The following PTPRD variants were observed in gnomAD, a reference collection of about 807,000 sequenced individuals.
PTPRD encodes protein tyrosine phosphatase receptor type D.
A neutral mutation model predicts 214.5 loss-of-function variants in PTPRD; 34 were observed. That is an observed-to-expected ratio of 0.16 (90% CI 0.12 to 0.21). The LOEUF (loss-of-function observed/expected upper bound fraction) is 0.21, where lower values mean the gene tolerates loss of function less well. Ranked by LOEUF, PTPRD falls within the 10% of genes least tolerant of loss-of-function variation. The pLI is 1.00. For missense variants in PTPRD, 2,545 were observed against 2,398.7 expected (o/e 1.06, Z -1.27); for synonymous variants, 1,128 against 845.7 (o/e 1.33, Z -5.79).
intron 9 of PTPRD, among the ~76,000 whole-genome samples, chr9:9,220,918 T>C (rs2099955569): frequency 6.6e-6 from 1 of 152,026 alleles, no homozygotes; most frequent in African/African-American, 2.4e-5. Context: ...GATAACCTGG[T>C]GTATGAGTAG....
At chr9:10,206,220 G>A (rs1442064122) in intron 3 of PTPRD, among the ~76,000 whole-genome samples, 1 of 152,100 alleles carries the variant, frequency 6.6e-6, no homozygotes, top group Non-Finnish European at 1.5e-5. Flanking sequence ...CAGCATGTCT[G>A]GGAAACTCAA....
chr9:8,690,508 G>A (rs2097780996), intron 12 of PTPRD, among the ~76,000 whole-genome samples: 1 of 141,372 alleles, frequency 7.1e-6, no homozygotes, highest in Admixed American at 7.1e-5. Flanking sequence ...CAGTCTGGGC[G>A]ACAGAGCAAG....
chr9:10,487,328 C>G (rs2099139161), intron 2 of PTPRD, among the ~76,000 whole-genome samples: 1 of 152,094 alleles, frequency 6.6e-6, no homozygotes, highest in South Asian at 2.1e-4. Flanking sequence ...TTACTCCTGC[C>G]ATTTTGTTTG....
In PTPRD at chr9:9,626,908, G is replaced by C. The variant is rs529617792; in HGVS notation, c.-286-52127C>G. ...GATGAAGGAAAAATGGGAGAAGCAA[G>C]TTGAAGGATACAAACTGTCAACATG... On this transcript the variant is annotated intron_variant, in intron 7 of 45. Transcript: ENST00000381196. 4.6e-5 allele frequency among the ~76,000 whole-genome samples: 7 copies of C among 152,318 alleles called. No individual in the cohort carries two copies. In the East Asian group the frequency reaches 1.4e-3, roughly 29 times the overall value.
At chr9:8,612,301 T>C (rs1452120066) in intron 14 of PTPRD, among the ~76,000 whole-genome samples, 1 of 152,212 alleles carries the variant, frequency 6.6e-6, no homozygotes, top group Non-Finnish European at 1.5e-5. Context: ...TTTGCTTTTG[T>C]ATGTTTGGCC....
intron 44 of PTPRD, among the ~76,000 whole-genome samples, chr9:8,331,171 A>ATTGTCATTAGGAT (rs1295321911): frequency 6.7e-6 from 1 of 148,684 alleles, no homozygotes. Flanking sequence ...AGAACTTAAT[A>ATTGTCATTAGGAT]TTGTCATTAG....
chr9:10,493,916 G>T (rs1169930892), intron 2 of PTPRD, among the ~76,000 whole-genome samples: 2 of 151,776 alleles, frequency 1.3e-5, no homozygotes, highest in African/African-American at 2.4e-5. Context: ...CAGCAATTAT[G>T]GCTAAATACA....
At chr9:9,448,109 A>G (rs1234848173) in intron 8 of PTPRD, among the ~76,000 whole-genome samples, 3 of 152,088 alleles carry the variant, frequency 2.0e-5, no homozygotes, top group Non-Finnish European at 4.4e-5. Context: ...GGGTATGAAG[A>G]CCAGGTAGGA....
Position 8,485,296 on chromosome 9 carries a change from T to C in PTPRD, c.3084A>G (p.Ala1028=), listed in dbSNP as rs2096975413. 2 of 1,614,004 alleles carry C rather than the reference T, an allele frequency of 1.2e-6. No individual in the cohort carries two copies. The highest frequency in any genetic ancestry group is 1.7e-6 in the Non-Finnish European group (2 of 1,179,992). ...ACAGCAACACGGAAGTCTTCATTAC[T>C]GCTTTGACATGAAAATTTTTTGCAA... ...QVFAKNFHVK[A]VMKTSVLLSW... is the part of the protein sequence containing the mutation. Residue 1028 remains alanine, a synonymous_variant, in exon 29 of 46, where the codon GCA becomes GCG. Transcript: ENST00000381196.
chr9:9,686,878 T>C lies in PTPRD; in HGVS notation c.-287+47655A>G, dbSNP rs191937982. 1.5e-4 allele frequency among the ~76,000 whole-genome samples: 23 copies of C among 151,838 alleles called. 1 individual carries two copies. The highest frequency in any genetic ancestry group is 5.3e-4 in the African/African-American group (22 of 41,514). ...GAACTTTGAGAGCAATGATTCTTAG[T>C]CAACAGACATATGCTAACTTCTTCC... On this transcript the variant is annotated intron_variant, in intron 7 of 45. Transcript: ENST00000381196.
chr9:8,530,409 C>T lies in PTPRD; in HGVS notation c.353-1630G>A, dbSNP rs893659405. On this transcript the variant is annotated intron_variant, in intron 14 of 45. Coordinates refer to ENST00000381196, the MANE Select transcript of PTPRD (RefSeq NM_002839.4). The stretch of plus-strand genomic sequence containing the variant: ...GGTACTCCGTGCTTCTAGGAAGCCA[C>T]GCAGCCAAAGTCACCTTCTTTGTAA... Among the ~76,000 whole-genome samples the T allele has an allele frequency of 2.6e-5, 4 of 152,166 alleles. No individual in the cohort carries two copies. The South Asian group carries it at 6.2e-4, about 24-fold the overall frequency.
chr9:9,686,127 T>A (rs1316915521), intron 7 of PTPRD, among the ~76,000 whole-genome samples: 1 of 151,336 alleles, frequency 6.6e-6, no homozygotes, highest in Non-Finnish European at 1.5e-5. Flanking sequence ...TCTGTTGGAT[T>A]TTTGTTGTTG....
chr9:8,592,541 G>A (rs549681716), intron 14 of PTPRD, among the ~76,000 whole-genome samples: 1 of 152,150 alleles, frequency 6.6e-6, no homozygotes, highest in East Asian at 1.9e-4. Context: ...GATTACAGTC[G>A]ACACCAAAGG....
chr9:10,246,493 C>T (rs2092126795), intron 3 of PTPRD, among the ~76,000 whole-genome samples: 1 of 152,156 alleles, frequency 6.6e-6, no homozygotes, highest in African/African-American at 2.4e-5. Flanking sequence ...ATCCATCCCC[C>T]TTGGGGTACC....
intron 9 of PTPRD, among the ~76,000 whole-genome samples, chr9:9,261,018 CTT>C (rs2099979890): frequency 6.6e-6 from 1 of 151,784 alleles, no homozygotes; most frequent in South Asian, 2.1e-4. Context: ...GGTACTGAAA[CTT>C]ATGTTTGCAA....
intron 33 of PTPRD, among the ~76,000 whole-genome samples, chr9:8,456,344 G>A (rs1253911578): frequency 2.0e-5 from 3 of 152,112 alleles, no homozygotes; most frequent in African/African-American, 4.8e-5. Context: ...GAGGAGAAGA[G>A]AGGACAGAAA....
At chr9:8,580,023 C>A (rs1051326894) in intron 14 of PTPRD, among the ~76,000 whole-genome samples, 4 of 152,064 alleles carry the variant, frequency 2.6e-5, no homozygotes, top group Non-Finnish European at 5.9e-5. Context: ...GCAGGGATTA[C>A]AAGTTTCCAG....
At chr9:8,542,667 C>T (rs2078778515) in intron 14 of PTPRD, among the ~76,000 whole-genome samples, 1 of 152,250 alleles carries the variant, frequency 6.6e-6, no homozygotes, top group African/African-American at 2.4e-5. Flanking sequence ...AAGTACAAAG[C>T]AAGTGTCTGT....
intron 9 of PTPRD, among the ~76,000 whole-genome samples, chr9:9,310,118 C>T (rs1458207331): frequency 6.6e-6 from 1 of 152,006 alleles, no homozygotes; most frequent in Non-Finnish European, 1.5e-5. Context: ...TCATTTTTTT[C>T]CAGACTGTGT....
Sources: gnomAD v4.1 joint callset for allele counts (sites outside exome capture counted in the v4.1 genomes callset) on GRCh38, gnomAD v4.1.1 for gene constraint, MANE v1.5 for transcripts, NCBI Gene and HGNC (gene_info 2026-07-23, HGNC 2026-07-21) for gene names.